Variants in CTDP1 observed in about 807,000 individuals in gnomAD.
CTDP1 encodes the protein RNA polymerase II subunit A C-terminal domain phosphatase.
Under a neutral mutation model 91.8 loss-of-function variants are expected in CTDP1, and 47 were observed. The observed-to-expected ratio is 0.51, with a 90% CI of 0.41 to 0.65. The LOEUF is 0.65. Ranked by LOEUF, CTDP1 falls within the 30% of genes least tolerant of loss-of-function variation. CTDP1 has a pLI of 0.00. For synonymous variants in CTDP1, 656 were observed against 598.5 expected (o/e 1.10, Z -1.40); for missense variants, 1,272 against 1,373.7 (o/e 0.93, Z 1.17).
At chr18:79,689,134 G>T (rs3896722) in intron 1 of CTDP1, among the ~76,000 whole-genome samples, 1 of 152,128 alleles carries the variant, frequency 6.6e-6, no homozygotes, top group African/African-American at 2.4e-5. Flanking sequence ...ACGTGGCATC[G>T]CTGGTTGAAC....
chr18:79,707,555 C>G (rs2085992604), intron 5 of CTDP1, among the ~76,000 whole-genome samples: 1 of 152,254 alleles, frequency 6.6e-6, no homozygotes, highest in South Asian at 2.1e-4. Context: ...TGCTAAAGTT[C>G]CAGCATTCCA....
At chr18:79,733,455 G>T (rs994176777) in intron 11 of CTDP1, among the ~76,000 whole-genome samples, 3 of 152,162 alleles carry the variant, frequency 2.0e-5, no homozygotes, top group Non-Finnish European at 4.4e-5. Flanking sequence ...GGTGGGGCCC[G>T]TCTCCTGTAC....
intron 6 of CTDP1, among the ~76,000 whole-genome samples, chr18:79,711,084 C>G (rs548010904): frequency 3.3e-5 from 5 of 152,232 alleles, no homozygotes; most frequent in African/African-American, 1.2e-4. Context: ...GAGGCGGGGA[C>G]TGTCATCCTC....
rs1252741053 is a variant in CTDP1, at chr18:79,753,663, G to A, written c.2759G>A (p.Arg920Lys). The A allele has an allele frequency of 1.2e-6, 2 of 1,614,196 alleles. No individual in the cohort carries two copies. The highest frequency in any genetic ancestry group is 1.7e-6 in the Non-Finnish European group (2 of 1,180,022). Residue 920 changes from arginine to lysine, a missense_variant, in exon 13 of 13, where the codon AGG (arginine) becomes AAG (lysine). Arg to Lys is a conservative substitution (Grantham distance 26, BLOSUM62 2). Coordinates refer to ENST00000613122, the MANE Select transcript of CTDP1 (RefSeq NM_004715.5). ...AGGRGPRGHK[R>K]KLNEEDAASE... ...TTGCTTCTCTGCAGAGGCCACAAGA[G>A]GAAGCTGAATGAAGAGGACGCCGCC... is the stretch of plus-strand genomic sequence containing the variant.
At chr18:79,676,906 A>G (rs1447849439), upstream of CTDP1, among the ~76,000 whole-genome samples, 1 of 152,214 alleles carries the variant, frequency 6.6e-6, no homozygotes, top group Non-Finnish European at 1.5e-5. Flanking sequence ...AGACATGGTT[A>G]AGTTTCATTG....
In CTDP1 at chr18:79,753,845, G is replaced by A. The variant is rs886432973; in HGVS notation, c.*55G>A. On this transcript the variant is annotated 3_prime_UTR_variant, in exon 13 of 13. Coordinates refer to ENST00000613122, the MANE Select transcript of CTDP1 (RefSeq NM_004715.5). ...GACCGACCTCCAGCAGCACTCGGAC[G>A]TCCCCGGACCAGCCCTCAGTCTCGG... is the stretch of plus-strand genomic sequence containing the variant. 1.6e-5 allele frequency: 25 copies of A among 1,588,082 alleles called. No homozygotes were observed. The highest frequency in any genetic ancestry group is 8.9e-5 in the Admixed American group (5 of 56,046).
At chr18:79,692,999 G>T (rs911103196) in intron 1 of CTDP1, among the ~76,000 whole-genome samples, 2 of 152,218 alleles carry the variant, frequency 1.3e-5, no homozygotes, top group Admixed American at 1.3e-4. Context: ...CGGTGGGGCC[G>T]CAGAGCCCTG....
chr18:79,690,236 C>T (rs1275436502), intron 1 of CTDP1, among the ~76,000 whole-genome samples: 1 of 152,160 alleles, frequency 6.6e-6, no homozygotes, highest in Non-Finnish European at 1.5e-5. Context: ...AGCCCGTAGC[C>T]CTCTCTGATG....
intron 12 of CTDP1, among the ~76,000 whole-genome samples, chr18:79,742,463 TG>T (rs1220164907): frequency 6.6e-6 from 1 of 152,106 alleles, no homozygotes; most frequent in African/African-American, 2.4e-5. Flanking sequence ...CCAGACAAAG[TG>T]GGAATTCACT....
intron 9 of CTDP1, 34 bp from the exon 10 acceptor site, chr18:79,717,776 C>T (rs2086247290): frequency 6.2e-7 from 1 of 1,613,744 alleles, no homozygotes; most frequent in Non-Finnish European, 8.5e-7. Context: ...ACCCGGACGC[C>T]CCGCTCATGG....
At position 79,679,835 on chromosome 18, in the gene CTDP1, C is replaced by T; in HGVS notation, c.-113C>T. The T allele has an allele frequency of 9.5e-7, 1 of 1,052,836 alleles. No homozygotes were observed. The highest frequency in any genetic ancestry group is 1.3e-6 in the Non-Finnish European group (1 of 774,390). The allele number at this position is 1,052,836 out of a possible 1,614,324, so 65.2% of individuals were successfully genotyped here. On this transcript the variant is annotated 5_prime_UTR_variant, in exon 1 of 13. Transcript: ENST00000613122. ...CGCGGGCTAGGCGACGGGTGGAAGC[C>T]GGTACCGAGAGGAACTACAGCGTCG...
In CTDP1 at chr18:79,736,333, C is replaced by G. The variant is rs1375297735; in HGVS notation, c.2581-22C>G. 6 of 1,548,946 alleles carry G rather than the reference C, an allele frequency of 3.9e-6. No individual in the cohort carries two copies. In the African/African-American group the frequency reaches 6.8e-5, roughly 18 times the overall value. On this transcript the variant is annotated intron_variant, in intron 11 of 12. Coordinates refer to ENST00000613122, the MANE Select transcript of CTDP1 (RefSeq NM_004715.5). Reference sequence around the variant, plus strand: ...CGGGGCCCGGGAAGGAGGTCTGTCGCTGACTCTTGGCTGTTTGTCAGGTGG... The same window carrying G: ...CGGGGCCCGGGAAGGAGGTCTGTCGGTGACTCTTGGCTGTTTGTCAGGTGG...
intron 11 of CTDP1, among the ~76,000 whole-genome samples, chr18:79,734,803 G>A (rs941066780): frequency 5.3e-5 from 8 of 152,256 alleles, no homozygotes; most frequent in Non-Finnish European, 1.2e-4. Context: ...AGTGATGTAA[G>A]CATTCTGGTG....
intron 5 of CTDP1, among the ~76,000 whole-genome samples, chr18:79,706,614 C>T (rs1440013230): frequency 6.6e-6 from 1 of 152,142 alleles, no homozygotes; most frequent in Non-Finnish European, 1.5e-5. Flanking sequence ...TACAAGTTTA[C>T]ATACCGTTCT....
At chr18:79,742,194 G>GAGA (rs2086794734) in intron 12 of CTDP1, among the ~76,000 whole-genome samples, 1 of 140,668 alleles carries the variant, frequency 7.1e-6, no homozygotes, top group South Asian at 2.2e-4. Flanking sequence ...GAGAGAGAGA[G>GAGA]AGAGAGAGAG....
At chr18:79,684,205 A>G (rs1288819748) in intron 1 of CTDP1, among the ~76,000 whole-genome samples, 1 of 152,190 alleles carries the variant, frequency 6.6e-6, no homozygotes, top group Non-Finnish European at 1.5e-5. Flanking sequence ...AGAGGTGTGG[A>G]TGTTGCTTGT....
At chr18:79,744,955 G>T (rs761249832) in intron 12 of CTDP1, among the ~76,000 whole-genome samples, 1 of 152,188 alleles carries the variant, frequency 6.6e-6, no homozygotes, top group Admixed American at 6.5e-5. Context: ...TGATGACAGT[G>T]TGCTGGGCCG....
chr18:79,707,402 TAGAC>T (rs2085988366), intron 5 of CTDP1, among the ~76,000 whole-genome samples: 4 of 152,320 alleles, frequency 2.6e-5, no homozygotes, highest in East Asian at 1.9e-4. Context: ...CTGAGCCGCT[TAGAC>T]AGCAGAGCAG....
At chr18:79,747,816 C>T (rs11081559) in intron 12 of CTDP1, among the ~76,000 whole-genome samples, 6,215 of 152,252 alleles carry the variant, frequency 0.041, 211 homozygotes, top group South Asian at 0.15. Flanking sequence ...GCAGTGGCCA[C>T]GGGAACCCTG....
Sources: allele counts gnomAD v4.1 joint callset (sites outside exome capture counted in the v4.1 genomes callset), GRCh38; gene constraint gnomAD v4.1.1; transcripts MANE v1.5; gene names NCBI Gene and HGNC (gene_info 2026-07-23, HGNC 2026-07-21).